EPHA3: variants seen among roughly 807,000 people sequenced by gnomAD.
EPHA3 encodes the protein ephrin type-A receptor 3.
Under a neutral mutation model 107.1 loss-of-function variants are expected in EPHA3, and 42 were observed. That is an observed-to-expected ratio of 0.39 (90% CI 0.31 to 0.51). The LOEUF is 0.51. Among genes scored for constraint, EPHA3 ranks in the 20% least tolerant of loss-of-function variants. The pLI is 0.78. For missense variants in EPHA3, 1,183 were observed against 1,211.2 expected, an observed-to-expected ratio of 0.98 and a Z score of 0.35; for synonymous variants, 461 against 424.8, an observed-to-expected ratio of 1.09 and a Z score of -1.05.
chr3:89,208,564 T>TA (rs1407554848), intron 2 of EPHA3, among the ~76,000 whole-genome samples: 1 of 63,276 alleles, frequency 1.6e-5, no homozygotes, highest in Non-Finnish European at 3.4e-5. Context: ...GAAAGAAAGA[T>TA]AAAAAGAAAG....
At chr3:89,413,354 A>G in intron 10 of EPHA3, 88 bp downstream of exon 10, 13 of 1,509,930 alleles carry the variant, frequency 8.6e-6, no homozygotes, top group Non-Finnish European at 1.2e-5. Context: ...TGCTAAAGAA[A>G]TGGGAATTTT....
intron 3 of EPHA3, among the ~76,000 whole-genome samples, chr3:89,221,524 A>C (rs1001886193): frequency 6.6e-6 from 1 of 152,084 alleles, no homozygotes; most frequent in Non-Finnish European, 1.5e-5. Context: ...TCACCTTCTA[A>C]AATGTATTTT....
In EPHA3 at chr3:89,399,457, T is replaced by C. The variant is rs1288766137; in HGVS notation, c.1571T>C (p.Phe524Ser). The part of the protein sequence containing the change: ...AAGYGTNSRK[F>S]EFETSPDSFS... ...GGATATGGGACGAACAGCCGCAAGT[T>C]TGAGTTTGAAACTAGTCCAGACTGT... is the stretch of plus-strand genomic sequence containing the variant. Residue 524 changes from phenylalanine (F) to serine (S), a missense_variant, in exon 7 of 17, where the codon TTT becomes TCT. Phe to Ser is a radical substitution (Grantham distance 155). Coordinates refer to ENST00000336596, the MANE Select transcript of EPHA3 (RefSeq NM_005233.6). 4 of 1,613,992 alleles carry C rather than the reference T, an allele frequency of 2.5e-6. No individual in the cohort carries two copies. The highest frequency in any genetic ancestry group is 3.4e-6 in the Non-Finnish European group (4 of 1,180,014).
At chr3:89,406,386 T>C (rs1252656596) in intron 7 of EPHA3, among the ~76,000 whole-genome samples, 1 of 152,172 alleles carries the variant, frequency 6.6e-6, no homozygotes, top group African/African-American at 2.4e-5. Flanking sequence ...GAAGCATTGG[T>C]CTGGGTCAAG....
chr3:89,114,247 G>A (rs185290333), intron 1 of EPHA3, among the ~76,000 whole-genome samples: 1 of 152,278 alleles, frequency 6.6e-6, no homozygotes, highest in East Asian at 1.9e-4. Flanking sequence ...ACAAAAGTGT[G>A]TCATGCGAAA....
intron 15 of EPHA3, among the ~76,000 whole-genome samples, chr3:89,460,326 C>T (rs1193933056): frequency 7.0e-6 from 1 of 143,624 alleles, no homozygotes; most frequent in Non-Finnish European, 1.5e-5. Context: ...ATATTTAGAA[C>T]GAGGTTTTAA....
At chr3:89,117,994 A>C (rs1269890490) in intron 1 of EPHA3, among the ~76,000 whole-genome samples, 4 of 152,070 alleles carry the variant, frequency 2.6e-5, no homozygotes, top group Admixed American at 2.0e-4. Flanking sequence ...CTTTTATGAA[A>C]TCTATAAACA....
In EPHA3 at chr3:89,450,477, G is replaced by A. The variant is rs1387608510; in HGVS notation, c.2690+107G>A. 1.0e-5 allele frequency: 11 copies of A among 1,047,712 alleles called. No homozygotes were observed. In the African/African-American group the frequency reaches 1.6e-4, roughly 15 times the overall value. 64.9% of individuals were successfully genotyped at this position (1,047,712 alleles called of 1,614,324 possible). Reference sequence around the variant, plus strand: ...CCCCAAAATGCATTATTTGAAGCTTGTATTCCACCATATTAGAGAGATGTA... The same window carrying A: ...CCCCAAAATGCATTATTTGAAGCTTATATTCCACCATATTAGAGAGATGTA... On this transcript the variant is annotated intron_variant, in intron 15 of 16. Coordinates refer to ENST00000336596, the MANE Select transcript of EPHA3 (RefSeq NM_005233.6).
chr3:89,138,018 T>C (rs1354468277), intron 2 of EPHA3, among the ~76,000 whole-genome samples: 4 of 151,822 alleles, frequency 2.6e-5, no homozygotes, highest in Non-Finnish European at 4.4e-5. Context: ...TACTCAAGTT[T>C]GGGGATTGCT....
chr3:89,329,248 C>T (rs1205767604), intron 3 of EPHA3, among the ~76,000 whole-genome samples: 3 of 152,054 alleles, frequency 2.0e-5, no homozygotes, highest in Non-Finnish European at 4.4e-5. Context: ...CAACAATTCT[C>T]TCTCCTCCTT....
intron 3 of EPHA3, among the ~76,000 whole-genome samples, chr3:89,259,455 G>A (rs1291830932): frequency 6.6e-6 from 1 of 152,226 alleles, no homozygotes; most frequent in Non-Finnish European, 1.5e-5. Flanking sequence ...CACTAAATAA[G>A]TGTTGAATTA....
chr3:89,428,999 G>T, intron 11 of EPHA3, 107 bp from the exon 12 acceptor site: 1 of 670,138 alleles, frequency 1.5e-6, no homozygotes, highest in Non-Finnish European at 2.2e-6. Flanking sequence ...GACAGGCAAA[G>T]TTCTTACATC....
At chr3:89,271,997 A>G (rs1199032813) in intron 3 of EPHA3, among the ~76,000 whole-genome samples, 2 of 151,998 alleles carry the variant, frequency 1.3e-5, no homozygotes, top group Non-Finnish European at 1.5e-5. Context: ...AATAGCAAAT[A>G]TATTTTTTCT....
intron 3 of EPHA3, among the ~76,000 whole-genome samples, chr3:89,297,734 C>T (rs1706391480): frequency 6.6e-6 from 1 of 151,942 alleles, no homozygotes; most frequent in Non-Finnish European, 1.5e-5. Flanking sequence ...AAGCTAAGCA[C>T]AATAAAATGA....
At chr3:89,137,495 C>T (rs75797525) in intron 2 of EPHA3, among the ~76,000 whole-genome samples, 2,473 of 151,968 alleles carry the variant, frequency 0.016, 61 homozygotes, top group African/African-American at 0.054. Context: ...ATACTTTTTA[C>T]GTAAGTCCCA....
chr3:89,116,649 G>T (rs1707261842), intron 1 of EPHA3, among the ~76,000 whole-genome samples: 1 of 148,058 alleles, frequency 6.8e-6, no homozygotes. Flanking sequence ...AGCAAAAATA[G>T]CATATTGATG....
chr3:89,401,227 A>C (rs1166413403), intron 7 of EPHA3, among the ~76,000 whole-genome samples: 1 of 152,224 alleles, frequency 6.6e-6, no homozygotes, highest in Admixed American at 6.5e-5. Flanking sequence ...TGCTGCTTAC[A>C]ATAAGGAGCT....
intron 3 of EPHA3, among the ~76,000 whole-genome samples, chr3:89,282,428 T>C (rs773744175): frequency 1.3e-5 from 2 of 152,122 alleles, no homozygotes; most frequent in Non-Finnish European, 2.9e-5. Context: ...GAGAAATATG[T>C]AAAAAGCATA....
At chr3:89,436,945 C>A (rs1162979704) in intron 13 of EPHA3, among the ~76,000 whole-genome samples, 1 of 152,056 alleles carries the variant, frequency 6.6e-6, no homozygotes, top group East Asian at 1.9e-4. Context: ...TATTTCTTCT[C>A]ATTTCTTACT....
Sources: allele counts gnomAD v4.1 joint callset (sites outside exome capture counted in the v4.1 genomes callset), GRCh38; gene constraint gnomAD v4.1.1; transcripts MANE v1.5; gene names NCBI Gene and HGNC (gene_info 2026-07-23, HGNC 2026-07-21).